DSG4: variants seen among roughly 807,000 people sequenced by gnomAD.
The protein encoded by DSG4 is desmoglein-4.
In DSG4, 87 loss-of-function variants were observed where a neutral mutation model predicts 93.1. That is an observed-to-expected ratio of 0.93 (90% confidence interval 0.79 to 1.12). The LOEUF (loss-of-function observed/expected upper bound fraction) is 1.12, where lower values mean the gene tolerates loss of function less well. Among genes scored for constraint, DSG4 ranks in the 50% most tolerant of loss-of-function variants. The pLI, the probability that DSG4 is intolerant of heterozygous loss-of-function variation, is 0.00. For synonymous variants in DSG4, 432 were observed against 452.9 expected, an observed-to-expected ratio of 0.95 and a Z score of 0.59; for missense variants, 1,373 against 1,285.7, an observed-to-expected ratio of 1.07 and a Z score of -1.04.
At chr18:31,388,746 A>C in intron 4 of DSG4, 128 bp from the exon 5 acceptor site, 1 of 1,427,696 alleles carries the variant, frequency 7.0e-7, no homozygotes, top group Non-Finnish European at 9.8e-7. Flanking sequence ...TATTTAAATT[A>C]TTTGACTGTA....
chr18:31,403,611 T>A lies in DSG4; in HGVS notation c.1613T>A (p.Met538Lys), dbSNP rs1326233998. The A allele has an allele frequency of 1.2e-6, 2 of 1,614,072 alleles. No homozygotes were observed. The highest frequency in any genetic ancestry group is 2.2e-5 in the East Asian group (1 of 44,876). Residue 538 changes from methionine (M) to lysine (K), a missense_variant, in exon 11 of 16, where the codon ATG (methionine) becomes AAG (lysine). Met to Lys is a moderately conservative substitution (Grantham distance 95). Transcript: ENST00000308128. ...GATGAGCCACCAGGAATAGCTGACA[T>A]GTGGGATGTCAGATCAACAAATGGT... ...VVDEPPGIAD[M>K]WDVRSTNATS... is the part of the protein sequence containing the mutation.
At position 31,386,960 on chromosome 18, in the gene DSG4, T is replaced by C. The variant is rs568570915; in HGVS notation, c.216+141T>C. 1.2e-4 allele frequency: 159 copies of C among 1,375,880 alleles called. No individual in the cohort carries two copies. The African/African-American group carries it at 2.1e-3, about 18-fold the overall frequency. 85.2% of individuals were successfully genotyped at this position (1,375,880 alleles called of 1,614,324 possible). A position where few individuals can be genotyped will look rare whatever the true frequency, so the allele number is the denominator to read the frequency against. ...TCATTTGCTCCAGTTGCTGAGCCAC[T>C]GATTTGAATATCATGTGCAGGGAGG... On this transcript the variant is annotated intron_variant, in intron 3 of 15. Coordinates refer to ENST00000308128, the MANE Select transcript of DSG4 (RefSeq NM_177986.5).
Position 31,406,336 on chromosome 18 carries a change from G to C in DSG4, c.1896G>C (p.Gly632=). 4.3e-6 allele frequency: 7 copies of C among 1,614,206 alleles called. No individual in the cohort carries two copies. The highest frequency in any genetic ancestry group is 5.9e-6 in the Non-Finnish European group (7 of 1,180,034). ...GVSNVGLGPA[G]IGMMVLGILL... is the part of the protein sequence containing the mutation. ...CAAATGTTGGTCTTGGACCAGCAGG[G>C]ATTGGCATGATGGTTCTGGGCATCC... Residue 632 remains glycine, a synonymous_variant, in exon 12 of 16, where the codon GGG becomes GGC. Coordinates refer to ENST00000308128, the MANE Select transcript of DSG4 (RefSeq NM_177986.5).
intron 12 of DSG4, 89 bp downstream of exon 12, chr18:31,406,462 A>G: frequency 6.5e-7 from 1 of 1,536,126 alleles, no homozygotes; most frequent in Non-Finnish European, 8.9e-7. Flanking sequence ...TCATGGAGCC[A>G]TTTCTTTTTG....
intron 7 of DSG4, 61 bp downstream of exon 7, chr18:31,391,273 T>A: frequency 6.2e-7 from 1 of 1,602,314 alleles, no homozygotes; most frequent in Non-Finnish European, 8.5e-7. Flanking sequence ...TGCATAAGTG[T>A]CAATAATCAA....
At chr18:31,385,330 T>G (rs866185844) in intron 2 of DSG4, among the ~76,000 whole-genome samples, 159 bp downstream of exon 2, 1 of 152,206 alleles carries the variant, frequency 6.6e-6, no homozygotes, top group African/African-American at 2.4e-5. Context: ...GTAAAATCCA[T>G]GCTCCCAAAT....
At position 31,411,223 on chromosome 18, in the gene DSG4, C is replaced by G; in HGVS notation, c.2138-8C>G. The G allele has an allele frequency of 3.1e-6, 5 of 1,613,554 alleles. No individual in the cohort carries two copies. Among genetic ancestry groups the G allele is most frequent in the Non-Finnish European group, 4.2e-6 (5 of 1,179,850 alleles). ...CAGCGCTGTTAAACCAACATCCTCC[C>G]TTTTCAGAAATCTACACCAACACCT... is the stretch of plus-strand genomic sequence containing the variant. On this transcript the variant is annotated splice_region_variant and splice_polypyrimidine_tract_variant and intron_variant, in intron 14 of 15. Transcript: ENST00000308128.
intron 8 of DSG4, among the ~76,000 whole-genome samples, chr18:31,397,437 T>C (rs1434651934): frequency 6.6e-6 from 1 of 152,132 alleles, no homozygotes; most frequent in Non-Finnish European, 1.5e-5. Context: ...CTCTTTACAA[T>C]CCTTGACCTC....
intron 10 of DSG4, among the ~76,000 whole-genome samples, chr18:31,401,417 T>C (rs1291711213): frequency 6.6e-6 from 1 of 152,174 alleles, no homozygotes; most frequent in Admixed American, 6.6e-5. Flanking sequence ...TCTCCAAGAA[T>C]ACAATTATTT....
At chr18:31,399,668 A>T (rs2072344435) in intron 9 of DSG4, 125 bp downstream of exon 9, 2 of 1,268,258 alleles carry the variant, frequency 1.6e-6, no homozygotes, top group African/African-American at 3.0e-5. Context: ...CCTTTGATTT[A>T]AAAGACTATT....
rs147871430 is a variant in DSG4 at position 31,385,278 on chromosome 18, G to A, written c.84+107G>A. 81 of 845,058 alleles carry A rather than the reference G, an allele frequency of 9.6e-5. No homozygotes were observed. In the East Asian group the frequency reaches 2.2e-3, roughly 23 times the overall value. 52.3% of individuals were successfully genotyped at this position (845,058 alleles called of 1,614,324 possible). ...AATATTTGAAATTGTAATTATCCAG[G>A]TAAAAGTTAAGAGAAAGAACTAGTG... is the stretch of plus-strand genomic sequence containing the variant. On this transcript the variant is annotated intron_variant, in intron 2 of 15. Transcript: ENST00000308128.
In DSG4 at chr18:31,381,304, G is replaced by A. The variant is rs575160069; in HGVS notation, c.49-3832G>A. Among the ~76,000 whole-genome samples, 23 of 151,996 alleles carry A rather than the reference G, an allele frequency of 1.5e-4. No individual in the cohort carries two copies. In the East Asian group the frequency reaches 3.7e-3, roughly 24 times the overall value. On this transcript the variant is annotated intron_variant, in intron 1 of 15. Transcript: ENST00000308128. ...CCACTACATTGCCATTCCAACACCT[G>A]ACACTAACAAAACATTTCACAGTTA...
intron 12 of DSG4, among the ~76,000 whole-genome samples, chr18:31,406,839 G>A (rs773312039): frequency 1.1e-4 from 16 of 151,552 alleles, no homozygotes; most frequent in South Asian, 6.3e-4. Flanking sequence ...GTGCAGTGGC[G>A]CAACCTCGGC....
At chr18:31,393,084 C>A (rs770185010) in intron 8 of DSG4, among the ~76,000 whole-genome samples, 7 of 151,962 alleles carry the variant, frequency 4.6e-5, no homozygotes, top group African/African-American at 7.3e-5. Flanking sequence ...AAACCACAAA[C>A]CAATAAGATT....
At chr18:31,395,771 C>T (rs1440171237) in intron 8 of DSG4, among the ~76,000 whole-genome samples, 2 of 152,024 alleles carry the variant, frequency 1.3e-5, no homozygotes, top group African/African-American at 4.8e-5. Context: ...GAGGCCAAGG[C>T]GGGAGGGTCA....
At chr18:31,395,647 G>A (rs2072297801) in intron 8 of DSG4, among the ~76,000 whole-genome samples, 1 of 152,120 alleles carries the variant, frequency 6.6e-6, no homozygotes, top group African/African-American at 2.4e-5. Flanking sequence ...TTAACCCTGA[G>A]GAAACTGGAC....
intron 9 of DSG4, among the ~76,000 whole-genome samples, 176 bp from the exon 10 acceptor site, chr18:31,400,705 A>G (rs1324703346): frequency 6.6e-6 from 1 of 152,194 alleles, no homozygotes; most frequent in Non-Finnish European, 1.5e-5. Context: ...CCTGTATATT[A>G]ATGTATATAT....
chr18:31,380,916 C>G (rs1311624807), intron 1 of DSG4, among the ~76,000 whole-genome samples: 1 of 152,128 alleles, frequency 6.6e-6, no homozygotes, highest in Admixed American at 6.6e-5. Context: ...ATAAAATCAT[C>G]ATGTTCTCTC....
At chr18:31,382,872 A>G (rs1314808766) in intron 1 of DSG4, among the ~76,000 whole-genome samples, 1 of 152,168 alleles carries the variant, frequency 6.6e-6, no homozygotes, top group South Asian at 2.1e-4. Flanking sequence ...AAAATAAAAA[A>G]TTCAGGGACA....
Sources: allele counts gnomAD v4.1 joint callset (sites outside exome capture counted in the v4.1 genomes callset), GRCh38; gene constraint gnomAD v4.1.1; transcripts MANE v1.5; gene names NCBI Gene and HGNC (gene_info 2026-07-23, HGNC 2026-07-21).